Variants in SYN2 observed in about 807,000 individuals in gnomAD.
SYN2 encodes the protein synapsin II, also known as synapsin-2.
SYN2 carries 19 observed loss-of-function variants against 50.9 expected under a neutral mutation model. That is an observed-to-expected ratio of 0.37 (90% CI 0.26 to 0.55). The LOEUF is 0.55. Among genes scored for constraint, SYN2 ranks in the 20% least tolerant of loss-of-function variants. The pLI is 0.81. For synonymous variants in SYN2, 255 were observed against 224.9 expected, an observed-to-expected ratio of 1.13 and a Z score of -1.20; for missense variants, 587 against 576.4, an observed-to-expected ratio of 1.02 and a Z score of -0.19.
chr3:12,055,894 C>T (rs888186961), intron 1 of SYN2, among the ~76,000 whole-genome samples: 1 of 152,180 alleles, frequency 6.6e-6, no homozygotes, highest in Non-Finnish European at 1.5e-5. Context: ...CTGTTAATAT[C>T]ACAGAAAGGC....
In SYN2 at chr3:12,184,822, C is replaced by T. The variant is rs558026387; in HGVS notation, c.1369+1450C>T. 4.1e-4 allele frequency: 402 copies of T among 985,826 alleles called. 1 individual carries two copies. Among genetic ancestry groups the T allele is most frequent in the African/African-American group, 4.0e-3 (229 of 57,368 alleles). 61.1% of individuals were successfully genotyped at this position (985,826 alleles called of 1,614,324 possible). On this transcript the variant is annotated intron_variant, in intron 11 of 12. Transcript: ENST00000621198. ...TCCCGGCCAGGCTGGGAACGGGCAC[C>T]AAGCAGCCGCCTCTAACAAACACCA...
intron 2 of SYN2, 23 bp downstream of exon 2, chr3:12,140,731 CT>C (rs1318199653): frequency 2.7e-5 from 20 of 745,280 alleles, no homozygotes; most frequent in Non-Finnish European, 3.8e-5. Flanking sequence ...AAGCCCAGAG[CT>C]GCATCCCCGT....
At chr3:12,182,041 C>T (rs1698233247) in intron 10 of SYN2, among the ~76,000 whole-genome samples, 1 of 152,204 alleles carries the variant, frequency 6.6e-6, no homozygotes, top group Non-Finnish European at 1.5e-5. Context: ...AAAGGCCCCC[C>T]TCCCAGCTGC....
At chr3:12,021,775 A>C (rs1470430552) in intron 1 of SYN2, among the ~76,000 whole-genome samples, 1 of 152,042 alleles carries the variant, frequency 6.6e-6, no homozygotes, top group Non-Finnish European at 1.5e-5. Flanking sequence ...GATAAGAATC[A>C]GATTCTTGGC....
At chr3:12,106,759 A>G (rs1696199962) in intron 1 of SYN2, among the ~76,000 whole-genome samples, 1 of 152,220 alleles carries the variant, frequency 6.6e-6, no homozygotes. Context: ...TGTGGCTACT[A>G]TGCTGATTAT....
intron 10 of SYN2, among the ~76,000 whole-genome samples, chr3:12,176,598 A>T (rs1167420496): frequency 6.6e-6 from 1 of 152,230 alleles, no homozygotes; most frequent in Admixed American, 6.5e-5. Context: ...TGAGCTGATC[A>T]GAGCACATCT....
intron 5 of SYN2, among the ~76,000 whole-genome samples, 189 bp from the exon 6 acceptor site, chr3:12,161,357 T>G (rs1280149306): frequency 6.6e-6 from 1 of 152,168 alleles, no homozygotes; most frequent in African/African-American, 2.4e-5. Context: ...GCACTGCCAC[T>G]AATATGCTCT....
intron 5 of SYN2, 150 bp downstream of exon 5, chr3:12,151,476 A>T (rs1285396791): frequency 3.5e-5 from 22 of 624,732 alleles, no homozygotes; most frequent in Non-Finnish European, 6.0e-5. Context: ...GGCTGGAATA[A>T]CTAGATTTTA....
intron 1 of SYN2, among the ~76,000 whole-genome samples, chr3:12,085,803 G>C (rs1695689502): frequency 6.6e-6 from 1 of 151,876 alleles, no homozygotes; most frequent in Non-Finnish European, 1.5e-5. Flanking sequence ...TATCAAAAAA[G>C]AAAAATCTCA....
chr3:12,184,912 C>A (rs1698307180), intron 11 of SYN2: 1 of 985,534 alleles, frequency 1.0e-6, no homozygotes, highest in Admixed American at 6.1e-5. Flanking sequence ...TCTATTTTTA[C>A]ATTCCCTTCC....
chr3:12,164,351 C>G (rs73813141), intron 7 of SYN2, among the ~76,000 whole-genome samples: 5,211 of 152,238 alleles, frequency 0.034, 277 homozygotes, highest in African/African-American at 0.12. Flanking sequence ...TTGATGAAGG[C>G]TGGGTGACCA....
At chr3:12,033,580 G>T (rs1354004512) in intron 1 of SYN2, among the ~76,000 whole-genome samples, 2 of 152,096 alleles carry the variant, frequency 1.3e-5, no homozygotes, top group African/African-American at 2.4e-5. Context: ...GTTGGTTTTA[G>T]TATATTCACA....
At chr3:12,099,024 T>C (rs977727579) in intron 1 of SYN2, among the ~76,000 whole-genome samples, 2 of 152,006 alleles carry the variant, frequency 1.3e-5, no homozygotes, top group African/African-American at 4.8e-5. Context: ...GTAACAATTA[T>C]GATCATATAC....
chr3:12,160,042 CAAAAAAAAAAAA>C (rs3079818), intron 5 of SYN2, among the ~76,000 whole-genome samples: 1 of 67,614 alleles, frequency 1.5e-5, no homozygotes, highest in Admixed American at 2.0e-4. Flanking sequence ...GACTCCGTCT[CAAAAAAAAAAAA>C]AAAAAAAAAA....
chr3:12,042,925 AG>A (rs1292891829), intron 1 of SYN2, among the ~76,000 whole-genome samples: 1 of 152,102 alleles, frequency 6.6e-6, no homozygotes, highest in Non-Finnish European at 1.5e-5. Flanking sequence ...CAGCCTTCGG[AG>A]GGAACATAGC....
chr3:12,146,037 G>A (rs981164642), intron 4 of SYN2, among the ~76,000 whole-genome samples: 1 of 152,158 alleles, frequency 6.6e-6, no homozygotes, highest in African/African-American at 2.4e-5. Context: ...CATGGGGGAG[G>A]GCTGGCCATC....
At chr3:12,121,838 A>G (rs2125203038) in intron 1 of SYN2, among the ~76,000 whole-genome samples, 1 of 152,272 alleles carries the variant, frequency 6.6e-6, no homozygotes, top group Non-Finnish European at 1.5e-5. Flanking sequence ...CAAAATCTGT[A>G]GGGCAGGCTA....
intron 11 of SYN2, chr3:12,183,599 C>A: frequency 6.8e-7 from 1 of 1,473,332 alleles, no homozygotes; most frequent in Non-Finnish European, 8.9e-7. Context: ...GCTCCTCTGT[C>A]TGGTTGTTTA....
At chr3:12,075,496 A>G (rs1381313813) in intron 1 of SYN2, among the ~76,000 whole-genome samples, 4 of 152,258 alleles carry the variant, frequency 2.6e-5, no homozygotes, top group East Asian at 1.9e-4. Flanking sequence ...GGCTTATAAT[A>G]AAAGGATGCC....
Sources: gnomAD v4.1 joint callset for allele counts (sites outside exome capture counted in the v4.1 genomes callset) on GRCh38, gnomAD v4.1.1 for gene constraint, MANE v1.5 for transcripts, NCBI Gene and HGNC (gene_info 2026-07-23, HGNC 2026-07-21) for gene names.